Variants in OXR1 observed in about 807,000 individuals in gnomAD.
OXR1 encodes the protein oxidation resistance protein 1.
Under a neutral mutation model 104.6 loss-of-function variants are expected in OXR1, and 41 were observed. The ratio of observed to expected loss-of-function variants is 0.39; its 90% CI spans 0.31 to 0.51. OXR1 has a LOEUF of 0.51. Ranked by LOEUF, OXR1 falls within the 20% of genes least tolerant of loss-of-function variation. OXR1 has a pLI of 0.77. For synonymous variants in OXR1, 348 were observed against 348.4 expected, an observed-to-expected ratio of 1.00 and a Z score of 0.01; for missense variants, 955 against 1,031.9, an observed-to-expected ratio of 0.93 and a Z score of 1.02.
intron 3 of OXR1, among the ~76,000 whole-genome samples, chr8:106,582,023 CAAAAAA>C (rs71307074): frequency 1.4e-5 from 1 of 69,566 alleles, no homozygotes; most frequent in South Asian, 6.2e-4. Flanking sequence ...GACTCTGTCT[CAAAAAA>C]AAAAAAAAAA....
intron 3 of OXR1, among the ~76,000 whole-genome samples, chr8:106,614,395 A>G (rs1821036849): frequency 6.6e-6 from 1 of 152,232 alleles, no homozygotes; most frequent in South Asian, 2.1e-4. Context: ...CCGCTAGGAT[A>G]TAAAGAACCA....
rs1335194366 is a variant in OXR1 at position 106,679,237 on chromosome 8, A to G, written c.248A>G (p.Lys83Arg). 2 of 1,610,254 alleles carry G rather than the reference A, an allele frequency of 1.2e-6. No individual in the cohort carries two copies. The highest frequency in any genetic ancestry group is 1.3e-5 in the African/African-American group (1 of 74,792). The change falls in exon 4 of 17, where the codon AAG (lysine) becomes AGG (arginine). Residue 83 changes from lysine (K) to arginine (R), a missense_variant. Lys to Arg is a conservative substitution (Grantham distance 26). This residue lies in a region of OXR1 where 849 missense variants were observed against 852.9 expected (regional missense o/e 1.00). Coordinates refer to ENST00000517566, the MANE Select transcript of OXR1 (RefSeq NM_001198533.2). The part of the protein sequence containing the change: ...IDTGQKKTLD[K>R]KDGRRMSFQK... ...ACTGGCCAAAAGAAGACCCTAGACA[A>G]GAAAGATGGAAGACGAATGTCTTTT... is the stretch of plus-strand genomic sequence containing the variant.
chr8:106,576,718 T>C (rs985392352), intron 3 of OXR1, among the ~76,000 whole-genome samples: 1 of 152,096 alleles, frequency 6.6e-6, no homozygotes, highest in Non-Finnish European at 1.5e-5. Flanking sequence ...TATAAAATAA[T>C]GATCATAGTG....
intron 3 of OXR1, among the ~76,000 whole-genome samples, chr8:106,572,662 A>G (rs1306462350): frequency 6.6e-6 from 1 of 152,126 alleles, no homozygotes; most frequent in Non-Finnish European, 1.5e-5. Flanking sequence ...TTTTGCTTCT[A>G]CATGACAAAA....
intron 3 of OXR1, among the ~76,000 whole-genome samples, chr8:106,587,952 A>G (rs1818771689): frequency 6.7e-6 from 1 of 148,156 alleles, no homozygotes; most frequent in Non-Finnish European, 1.5e-5. Flanking sequence ...CTAAATATAA[A>G]CAATTTTTTT....
chr8:106,594,571 C>T (rs1416119821), intron 3 of OXR1, among the ~76,000 whole-genome samples: 2 of 152,170 alleles, frequency 1.3e-5, no homozygotes, highest in African/African-American at 2.4e-5. Flanking sequence ...GTGTTCTCAT[C>T]TGCCTTTCTG....
chr8:106,612,639 T>C (rs1820902608), intron 3 of OXR1, among the ~76,000 whole-genome samples: 1 of 152,210 alleles, frequency 6.6e-6, no homozygotes, highest in Non-Finnish European at 1.5e-5. Flanking sequence ...TGCATTTCTA[T>C]ATGTTTAGGA....
intron 2 of OXR1, among the ~76,000 whole-genome samples, chr8:106,383,606 A>G (rs1014188891): frequency 6.6e-6 from 1 of 152,238 alleles, no homozygotes; most frequent in Non-Finnish European, 1.5e-5. Flanking sequence ...TTCAGCATGT[A>G]GTGAGTGTAC....
intron 3 of OXR1, among the ~76,000 whole-genome samples, chr8:106,550,974 TC>T (rs1815755102): frequency 6.6e-6 from 1 of 152,184 alleles, no homozygotes; most frequent in Admixed American, 6.6e-5. Flanking sequence ...CCTTCAGCTA[TC>T]TAGACCTGAG....
chr8:106,322,774 T>C (rs777659694), intron 1 of OXR1, among the ~76,000 whole-genome samples: 4 of 151,986 alleles, frequency 2.6e-5, no homozygotes, highest in Non-Finnish European at 5.9e-5. Flanking sequence ...AGAAAGGCAA[T>C]CCCATTCACA....
intron 5 of OXR1, 114 bp downstream of exon 5, chr8:106,683,420 C>T (rs3102433): frequency 0.24 from 117,511 of 496,830 alleles, 18,392 homozygotes; most frequent in African/African-American, 0.6. Context: ...TTTATATGTG[C>T]TTTTAACAAA....
chr8:106,289,721 A>C (rs1414702856), intron 1 of OXR1, among the ~76,000 whole-genome samples: 1 of 152,158 alleles, frequency 6.6e-6, no homozygotes, highest in Non-Finnish European at 1.5e-5. Flanking sequence ...ACTGGTACAA[A>C]GACAGACACA....
At chr8:106,476,700 T>C (rs1021629749) in intron 2 of OXR1, among the ~76,000 whole-genome samples, 1 of 152,004 alleles carries the variant, frequency 6.6e-6, no homozygotes, top group Non-Finnish European at 1.5e-5. Context: ...TGCTGCCTGT[T>C]GGTCAGCAGA....
intron 3 of OXR1, among the ~76,000 whole-genome samples, chr8:106,553,385 C>G (rs1464450269): frequency 6.7e-6 from 1 of 149,584 alleles, no homozygotes; most frequent in African/African-American, 2.5e-5. Flanking sequence ...GTGGTGCAAT[C>G]TCAGCTTACT....
At chr8:106,460,818 A>G (rs1820867208) in intron 2 of OXR1, among the ~76,000 whole-genome samples, 1 of 152,162 alleles carries the variant, frequency 6.6e-6, no homozygotes, top group Admixed American at 6.5e-5. Flanking sequence ...CCAAAATCAT[A>G]GACTAATATG....
intron 3 of OXR1, among the ~76,000 whole-genome samples, chr8:106,549,070 G>A (rs147986572): frequency 1.1e-4 from 17 of 151,284 alleles, no homozygotes; most frequent in Non-Finnish European, 1.9e-4. Context: ...CATGATCACC[G>A]GAAAAAAAAA....
At chr8:106,515,592 GT>G (rs1812805356) in intron 2 of OXR1, among the ~76,000 whole-genome samples, 1 of 152,056 alleles carries the variant, frequency 6.6e-6, no homozygotes, top group Admixed American at 6.6e-5. Flanking sequence ...GTTCATTCAT[GT>G]TGTAAATGAC....
intron 2 of OXR1, among the ~76,000 whole-genome samples, chr8:106,440,377 A>G (rs1013166490): frequency 6.6e-6 from 1 of 152,104 alleles, no homozygotes; most frequent in Non-Finnish European, 1.5e-5. Flanking sequence ...TCTCTAATGA[A>G]AATGTGATGT....
intron 2 of OXR1, among the ~76,000 whole-genome samples, chr8:106,363,308 G>C (rs1816326790): frequency 6.6e-6 from 1 of 152,118 alleles, no homozygotes; most frequent in Non-Finnish European, 1.5e-5. Context: ...AAAGATAAAA[G>C]GTACGTGCAG....
Sources: allele counts gnomAD v4.1 joint callset (sites outside exome capture counted in the v4.1 genomes callset), GRCh38; gene constraint gnomAD v4.1.1; regional missense constraint gnomAD v4.1.1; transcripts MANE v1.5; gene names NCBI Gene and HGNC (gene_info 2026-07-23, HGNC 2026-07-21).